Variants in EEF1E1 observed in about 807,000 individuals in gnomAD.
EEF1E1 encodes the protein eukaryotic translation elongation factor 1 epsilon 1, also known as eukaryotic translation elongation factor 1 epsilon-1.
EEF1E1 carries 19 observed loss-of-function variants against 19.9 expected under a neutral mutation model. The ratio of observed to expected loss-of-function variants is 0.95; its 90% confidence interval spans 0.66 to 1.40. EEF1E1 has a LOEUF of 1.40. Ranked by LOEUF, EEF1E1 falls within the 40% of genes most tolerant of loss-of-function variation. EEF1E1 has a pLI of 0.00. For synonymous variants in EEF1E1, 81 were observed against 80.0 expected, an observed-to-expected ratio of 1.01 and a Z score of -0.07; for missense variants, 198 against 202.2, an observed-to-expected ratio of 0.98 and a Z score of 0.13.
chr6:8,095,605 A>G (rs1758152044), intron 2 of EEF1E1: 1 of 157,112 alleles, frequency 6.4e-6, no homozygotes, highest in African/African-American at 2.4e-5. Flanking sequence ...TATATACAAA[A>G]GGAAAAAAAA....
chr6:8,098,697 C>T (rs375413570), intron 1 of EEF1E1, among the ~76,000 whole-genome samples: 1 of 152,134 alleles, frequency 6.6e-6, no homozygotes, highest in African/African-American at 2.4e-5. Flanking sequence ...CAGTATGGAA[C>T]CCTCCGAAGG....
chr6:8,080,751 GTAACT>G (rs1757704077), intron 3 of EEF1E1, among the ~76,000 whole-genome samples: 1 of 152,214 alleles, frequency 6.6e-6, no homozygotes. Flanking sequence ...CAGTAGGGCA[GTAACT>G]TGCAGCCATG....
chr6:8,102,537 C>T lies in EEF1E1; in HGVS notation c.-16G>A. 1 of 1,608,336 alleles carries T rather than the reference C, an allele frequency of 6.2e-7. No individual in the cohort carries two copies. Among genetic ancestry groups the T allele is most frequent in the Non-Finnish European group, 8.5e-7 (1 of 1,179,826 alleles). ...CCGCCGCCATCTTCCGGCCGTAGCT[C>T]CTGGCAGACGCGAGACCTGCAGAAC... On this transcript the variant is annotated 5_prime_UTR_variant, in exon 1 of 4. Transcript: ENST00000379715.
chr6:8,098,627 A>C (rs1208987711), intron 1 of EEF1E1, among the ~76,000 whole-genome samples: 1 of 152,160 alleles, frequency 6.6e-6, no homozygotes, highest in East Asian at 1.9e-4. Flanking sequence ...CTTTTGTCTT[A>C]AATTCAAATG....
chr6:8,098,149 G>A (rs1758224831), intron 1 of EEF1E1, among the ~76,000 whole-genome samples: 1 of 150,326 alleles, frequency 6.7e-6, no homozygotes, highest in African/African-American at 2.5e-5. Context: ...AGACGGAATC[G>A]CACTCTGTCA....
intron 1 of EEF1E1, 105 bp downstream of exon 1, chr6:8,102,330 C>A: frequency 8.5e-7 from 1 of 1,182,572 alleles, no homozygotes; most frequent in Middle Eastern, 2.1e-4. Flanking sequence ...TGGGTAGCAG[C>A]ATCCTCACTC....
chr6:8,101,633 C>G, intron 1 of EEF1E1: 1 of 738,554 alleles, frequency 1.4e-6, no homozygotes, highest in Non-Finnish European at 1.8e-6. Flanking sequence ...GAAAAAATCT[C>G]AAAGGAGCAA....
At chr6:8,101,795 C>G in intron 1 of EEF1E1, 2 of 1,289,290 alleles carry the variant, frequency 1.6e-6, no homozygotes, top group South Asian at 1.2e-5. Context: ...CACTGTGGGT[C>G]GTAACACTTA....
At chr6:8,101,776 T>C (rs1353822762) in intron 1 of EEF1E1, 31 of 1,289,274 alleles carry the variant, frequency 2.4e-5, no homozygotes, top group Non-Finnish European at 3.0e-5. Flanking sequence ...TTGTGATGTT[T>C]CCCGCATTCA....
chr6:8,076,452 T>C (rs544485664), downstream of EEF1E1, among the ~76,000 whole-genome samples: 6 of 151,780 alleles, frequency 4.0e-5, no homozygotes, highest in African/African-American at 7.3e-5. Context: ...GCCTCTGGAG[T>C]AGCTGGGACT....
chr6:8,095,367 G>A (rs1758141098), intron 2 of EEF1E1: 2 of 426,854 alleles, frequency 4.7e-6, no homozygotes, highest in South Asian at 1.6e-5. Flanking sequence ...GCCATGCGTG[G>A]TGGTGCACAC....
At chr6:8,074,525 A>G (rs750321434), downstream of EEF1E1, among the ~76,000 whole-genome samples, 1 of 152,188 alleles carries the variant, frequency 6.6e-6, no homozygotes, top group Non-Finnish European at 1.5e-5. Context: ...AAACAGTACA[A>G]TGATGCCAGT....
At chr6:8,101,830 A>G in intron 1 of EEF1E1, 1 of 1,289,284 alleles carries the variant, frequency 7.8e-7, no homozygotes, top group East Asian at 5.6e-5. Flanking sequence ...GGCTTTAGAA[A>G]CGCCTTCCCC....
chr6:8,095,299 G>A (rs1019651177), intron 2 of EEF1E1: 8 of 316,806 alleles, frequency 2.5e-5, no homozygotes, highest in East Asian at 1.3e-4. Context: ...TCAGGAGTTC[G>A]AGACCAGCCT....
chr6:8,084,787 T>C (rs992633034), intron 3 of EEF1E1, among the ~76,000 whole-genome samples: 2 of 152,206 alleles, frequency 1.3e-5, no homozygotes, highest in Non-Finnish European at 2.9e-5. Context: ...CCCTGTTGGG[T>C]AGCCATGCTC....
At chr6:8,074,283 T>G (rs1477485450) in intron 3 of EEF1E1, among the ~76,000 whole-genome samples, 1 of 152,230 alleles carries the variant, frequency 6.6e-6, no homozygotes, top group Non-Finnish European at 1.5e-5. Flanking sequence ...TTACTGGGCC[T>G]TTCTGCAATA....
chr6:8,098,766 T>C (rs1347747312), intron 1 of EEF1E1, among the ~76,000 whole-genome samples: 1 of 152,110 alleles, frequency 6.6e-6, no homozygotes, highest in African/African-American at 2.4e-5. Context: ...AACTTGGTGG[T>C]AACATCAACA....
chr6:8,090,703 C>T (rs1375845365), intron 2 of EEF1E1, among the ~76,000 whole-genome samples: 1 of 152,206 alleles, frequency 6.6e-6, no homozygotes, highest in Non-Finnish European at 1.5e-5. Context: ...TCACCCATTT[C>T]CCCTTGCCTC....
chr6:8,084,549 A>G (rs1716276641), intron 3 of EEF1E1, among the ~76,000 whole-genome samples: 1 of 152,054 alleles, frequency 6.6e-6, no homozygotes, highest in Non-Finnish European at 1.5e-5. Flanking sequence ...ATGTAGAAAT[A>G]CTCTCCTTCT....
Sources: allele counts gnomAD v4.1 joint callset (sites outside exome capture counted in the v4.1 genomes callset), GRCh38; gene constraint gnomAD v4.1.1; transcripts MANE v1.5; gene names NCBI Gene and HGNC (gene_info 2026-07-23, HGNC 2026-07-21).